The following KCND2 variants were observed in gnomAD, a reference collection of about 807,000 sequenced individuals.
KCND2 encodes A-type voltage-gated potassium channel KCND2.
Under a neutral mutation model 54.4 loss-of-function variants are expected in KCND2, and 16 were observed. The observed-to-expected ratio is 0.29, with a 90% CI of 0.20 to 0.45. KCND2 has a LOEUF of 0.45. Ranked by LOEUF, KCND2 falls within the 20% of genes least tolerant of loss-of-function variation. The probability of loss-of-function intolerance (pLI) is 1.00; values close to 1 mark genes in which losing one functional copy is unlikely to be tolerated. For synonymous variants in KCND2, 317 were observed against 310.7 expected, an observed-to-expected ratio of 1.02 and a Z score of -0.21; for missense variants, 486 against 824.2, an observed-to-expected ratio of 0.59 and a Z score of 5.02.
At position 120,748,175 on chromosome 7, in the gene KCND2, A is replaced by G. The variant is rs1411190307; in HGVS notation, c.*317A>G. The G allele has an allele frequency of 1.1e-5, 2 of 188,612 alleles. No individual in the cohort carries two copies. The highest frequency in any genetic ancestry group is 2.6e-4 in the East Asian group (2 of 7,558). The allele number at this position is 188,612 out of a possible 1,614,324, so 11.7% of individuals were successfully genotyped here. The stretch of plus-strand genomic sequence containing the variant: ...AAATAAATAACATAAATCGTTGAAC[A>G]TAATGTTCCAGTTGAATGCAAAACA... On this transcript the variant is annotated 3_prime_UTR_variant, in exon 6 of 6. Transcript: ENST00000331113.
intron 1 of KCND2, among the ~76,000 whole-genome samples, chr7:120,518,425 T>C (rs888371017): frequency 1.4e-4 from 22 of 152,264 alleles, no homozygotes; most frequent in African/African-American, 4.3e-4. Flanking sequence ...AAACAAAAGA[T>C]GTTAAATCAA....
At chr7:120,590,786 T>C (rs1223031589) in intron 1 of KCND2, among the ~76,000 whole-genome samples, 1 of 152,206 alleles carries the variant, frequency 6.6e-6, no homozygotes, top group Non-Finnish European at 1.5e-5. Context: ...AATTTTTTAC[T>C]GAATCACACT....
chr7:120,598,976 C>T (rs1273143351), intron 1 of KCND2, among the ~76,000 whole-genome samples: 2 of 152,068 alleles, frequency 1.3e-5, no homozygotes, highest in African/African-American at 2.4e-5. Flanking sequence ...TTTAGGTAGC[C>T]GATCCATTTT....
At chr7:120,318,518 C>T (rs1211610506) in intron 1 of KCND2, among the ~76,000 whole-genome samples, 1 of 152,016 alleles carries the variant, frequency 6.6e-6, no homozygotes, top group Non-Finnish European at 1.5e-5. Context: ...AGTCACAACA[C>T]TTATGTGTTT....
chr7:120,434,924 A>C (rs1175128160), intron 1 of KCND2, among the ~76,000 whole-genome samples: 1 of 152,096 alleles, frequency 6.6e-6, no homozygotes, highest in Non-Finnish European at 1.5e-5. Flanking sequence ...CAGAGGACAC[A>C]TTGTCTTCTA....
intron 1 of KCND2, among the ~76,000 whole-genome samples, chr7:120,590,083 T>A (rs1792651399): frequency 6.6e-6 from 1 of 152,130 alleles, no homozygotes; most frequent in Non-Finnish European, 1.5e-5. Flanking sequence ...GGCGGCGAAC[T>A]CGATCTCGGC....
chr7:120,570,233 A>T (rs1418181458), intron 1 of KCND2, among the ~76,000 whole-genome samples: 1 of 152,148 alleles, frequency 6.6e-6, no homozygotes, highest in Non-Finnish European at 1.5e-5. Context: ...CACAGAGTGA[A>T]ATAACAGACC....
chr7:120,746,013 A>T lies in KCND2; in HGVS notation c.1701A>T (p.Thr567=). Residue 567 remains threonine (T), a synonymous_variant, in exon 5 of 6, where the codon ACA becomes ACT. Transcript: ENST00000331113. The part of the protein sequence containing the change: ...STIQIRCVER[T]PLSNSRSSLN... ...TTCAGATCAGATGTGTGGAGAGAAC[A>T]CCTCTGTCTAACAGGTACCTGAGAT... The T allele has an allele frequency of 1.2e-6, 2 of 1,613,334 alleles. No individual in the cohort carries two copies. The highest frequency in any genetic ancestry group is 1.7e-6 in the Non-Finnish European group (2 of 1,179,664).
chr7:120,313,539 C>T (rs1364600632), intron 1 of KCND2, among the ~76,000 whole-genome samples: 2 of 151,928 alleles, frequency 1.3e-5, no homozygotes, highest in Non-Finnish European at 2.9e-5. Context: ...TTCCATGTCT[C>T]CCTCTTTCCT....
At chr7:120,616,882 C>T (rs929030837) in intron 1 of KCND2, among the ~76,000 whole-genome samples, 1 of 152,172 alleles carries the variant, frequency 6.6e-6, no homozygotes, top group African/African-American at 2.4e-5. Flanking sequence ...TTTCTTCCTT[C>T]TCTGCCCTCT....
At chr7:120,456,006 T>A (rs1291740632) in intron 1 of KCND2, among the ~76,000 whole-genome samples, 1 of 152,100 alleles carries the variant, frequency 6.6e-6, no homozygotes, top group African/African-American at 2.4e-5. Flanking sequence ...GTCTGTACAC[T>A]TATGGGAAAT....
chr7:120,468,702 C>A (rs531640119), intron 1 of KCND2, among the ~76,000 whole-genome samples: 55 of 152,178 alleles, frequency 3.6e-4, no homozygotes, highest in Non-Finnish European at 6.8e-4. Context: ...TATTTTTTAA[C>A]ATTGAATTGG....
At chr7:120,461,529 CT>C (rs1390793412) in intron 1 of KCND2, among the ~76,000 whole-genome samples, 7 of 152,052 alleles carry the variant, frequency 4.6e-5, no homozygotes, top group African/African-American at 1.7e-4. Context: ...TATGAGCTTC[CT>C]TTTCATTCAT....
Position 120,297,704 on chromosome 7 carries a change from C to G in KCND2, c.1115+21957C>G, listed in dbSNP as rs183522369. 8.1e-3 allele frequency among the ~76,000 whole-genome samples: 1,238 copies of G among 152,168 alleles called. 11 individuals are homozygous for G. The highest frequency in any genetic ancestry group is 0.011 in the Non-Finnish European group (745 of 67,958). On this transcript the variant is annotated intron_variant, in intron 1 of 5. Coordinates refer to ENST00000331113, the MANE Select transcript of KCND2 (RefSeq NM_012281.3). ...TCATATAAACTTCTGTTATATTTAACTTGTTAAATGCACTTCTGTTCACAA... is the reference window on the plus strand; with the variant it reads ...TCATATAAACTTCTGTTATATTTAAGTTGTTAAATGCACTTCTGTTCACAA...
intron 1 of KCND2, among the ~76,000 whole-genome samples, chr7:120,707,731 C>G (rs1307412916): frequency 1.3e-5 from 2 of 151,938 alleles, no homozygotes; most frequent in Admixed American, 6.6e-5. Context: ...TGAGGGATGA[C>G]AAGCAAGGCT....
intron 1 of KCND2, among the ~76,000 whole-genome samples, chr7:120,466,425 C>T (rs1403858978): frequency 6.6e-6 from 1 of 152,092 alleles, no homozygotes; most frequent in African/African-American, 2.4e-5. Flanking sequence ...ATTCTTTTAT[C>T]GTTGGAGATC....
At position 120,560,890 on chromosome 7, in the gene KCND2, T is replaced by C. The variant is rs146560523; in HGVS notation, c.1116-172013T>C. ...GAGAAGAAAATCGAATTCAGAGAAG[T>C]TGTATGTGACTAGCTCAATGCTACA... is the stretch of plus-strand genomic sequence containing the variant. On this transcript the variant is annotated intron_variant, in intron 1 of 5. Coordinates refer to ENST00000331113, the MANE Select transcript of KCND2 (RefSeq NM_012281.3). 2.0e-3 allele frequency among the ~76,000 whole-genome samples: 307 copies of C among 152,268 alleles called. 2 individuals are homozygous for C. The highest frequency in any genetic ancestry group is 7.1e-3 in the African/African-American group (294 of 41,552).
At position 120,747,888 on chromosome 7, in the gene KCND2, G is replaced by C; in HGVS notation, c.*30G>C. 1 of 1,530,544 alleles carries C rather than the reference G, an allele frequency of 6.5e-7. No homozygotes were observed. Among genetic ancestry groups the C allele is most frequent in the Admixed American group, 1.7e-5 (1 of 58,516 alleles). The allele number at this position is 1,530,544 out of a possible 1,614,324, so 94.8% of individuals were successfully genotyped here. A position where few individuals can be genotyped will look rare whatever the true frequency, so the allele number is the denominator to read the frequency against. ...ATTGGAATAAGGTCTAAGAGAATTC[G>C]AGCCCTGGCTGTGAAAAGAATCTCA... is the stretch of plus-strand genomic sequence containing the variant. On this transcript the variant is annotated 3_prime_UTR_variant, in exon 6 of 6. Transcript: ENST00000331113.
chr7:120,309,479 A>ATATATATATT lies in KCND2; in HGVS notation c.1115+33732_1115+33733insTATATATATT, dbSNP rs71530038. ...TATATATATATATATATATATACAC[A>ATATATATATT]CACACACACACACACACACACACAT... On this transcript the variant is annotated intron_variant, in intron 1 of 5. Coordinates refer to ENST00000331113, the MANE Select transcript of KCND2 (RefSeq NM_012281.3). 1.8e-4 allele frequency among the ~76,000 whole-genome samples: 14 copies of ATATATATATT among 79,524 alleles called. No individual in the cohort carries two copies. The East Asian group carries it at 6.8e-3, about 39-fold the overall frequency. The allele number at this position is 79,524 out of a possible 152,430, so 52.2% of individuals were successfully genotyped here. A position where few individuals can be genotyped will look rare whatever the true frequency, so the allele number is the denominator to read the frequency against.
Sources: gnomAD v4.1 joint callset for allele counts (sites outside exome capture counted in the v4.1 genomes callset) on GRCh38, gnomAD v4.1.1 for gene constraint, MANE v1.5 for transcripts, NCBI Gene and HGNC (gene_info 2026-07-23, HGNC 2026-07-21) for gene names.